The following EP400 variants were observed in gnomAD, a reference collection of about 807,000 sequenced individuals.
The protein encoded by EP400 is E1A-binding protein p400.
EP400 carries 105 observed loss-of-function variants against 354.1 expected under a neutral mutation model. The observed-to-expected ratio is 0.30, with a 90% CI of 0.25 to 0.35. The LOEUF (loss-of-function observed/expected upper bound fraction) is 0.35, where lower values mean the gene tolerates loss of function less well. Among genes scored for constraint, EP400 ranks in the 10% least tolerant of loss-of-function variants. The pLI, the probability that EP400 is intolerant of heterozygous loss-of-function variation, is 1.00. For missense variants in EP400, 3,280 were observed against 4,121.0 expected (o/e 0.80, Z 5.59); for synonymous variants, 1,646 against 1,716.9 (o/e 0.96, Z 1.02).
At position 132,005,084 on chromosome 12, in the gene EP400, G is replaced by A. The variant is rs764024339; in HGVS notation, c.2835G>A (p.Leu945=). The A allele has an allele frequency of 1.3e-6, 2 of 1,581,010 alleles. No homozygotes were observed. The highest frequency in any genetic ancestry group is 1.7e-6 in the Non-Finnish European group (2 of 1,163,328). Residue 945 remains leucine, a synonymous_variant, in exon 13 of 53, where the codon CTG becomes CTA. Transcript: ENST00000389561. ...GCCCGCAACCCTCTGCAGCTGAGCT[G>A]CCCCTCCTGGACCTGATGAAGCTGT... ...ELSNLAKEAE[L]PLLDLMKLYE... is the part of the protein sequence containing the mutation.
At chr12:131,964,682 A>G (rs1892014212) in intron 2 of EP400, among the ~76,000 whole-genome samples, 1 of 152,192 alleles carries the variant, frequency 6.6e-6, no homozygotes, top group South Asian at 2.1e-4. Flanking sequence ...TTTTTGCCCC[A>G]TTTGCATTAT....
Position 132,013,447 on chromosome 12 carries a change from C to T in EP400, c.3612-43C>T, listed in dbSNP as rs765380337. 37 of 1,519,206 alleles carry T rather than the reference C, an allele frequency of 2.4e-5. No individual in the cohort carries two copies. The South Asian group carries it at 3.9e-4, about 16-fold the overall frequency. 94.1% of individuals were successfully genotyped at this position (1,519,206 alleles called of 1,614,324 possible). On this transcript the variant is annotated intron_variant, in intron 17 of 52. Transcript: ENST00000389561. The surrounding 1 kb of genome is among the most constrained non-coding windows in gnomAD (Gnocchi z 4.5). ...GAGAAGATGCTGCTGCAGCCAGCCCCGTGGCTGTAGAACTCCAGTGTTGTC... is the reference window on the plus strand; with the variant it reads ...GAGAAGATGCTGCTGCAGCCAGCCCTGTGGCTGTAGAACTCCAGTGTTGTC...
Position 132,017,494 on chromosome 12 carries a change from C to T in EP400, c.3924-41C>T, listed in dbSNP as rs1270903233. ...TGAGGGTGGGACTATGTCCATGTGCCGTTTGGATTGAATGCTTCGTGTTTC... is the reference window on the plus strand; with the variant it reads ...TGAGGGTGGGACTATGTCCATGTGCTGTTTGGATTGAATGCTTCGTGTTTC... On this transcript the variant is annotated intron_variant, in intron 19 of 52. Coordinates refer to ENST00000389561, the MANE Select transcript of EP400 (RefSeq NM_015409.5). This position sits in a 1 kb window ranked among gnomAD's most constrained non-coding sequence, Gnocchi z 5.0. 7.5e-6 allele frequency: 12 copies of T among 1,603,510 alleles called. No individual in the cohort carries two copies. Among genetic ancestry groups the T allele is most frequent in the East Asian group, 6.7e-5 (3 of 44,768 alleles).
At chr12:132,065,515 T>G (rs1225736381) in intron 48 of EP400, 1 of 153,376 alleles carries the variant, frequency 6.5e-6, no homozygotes, top group African/African-American at 2.4e-5. Flanking sequence ...CCTGGCCCAG[T>G]GCTCATGGAC....
rs1232975499 is a variant in EP400 at position 132,076,589 on chromosome 12, A to G, written c.9095A>G (p.Gln3032Arg). The G allele has an allele frequency of 3.7e-6, 6 of 1,611,822 alleles. No homozygotes were observed. The highest frequency in any genetic ancestry group is 4.2e-6 in the Non-Finnish European group (5 of 1,178,294). Residue 3032 changes from glutamine (Q) to arginine (R), a missense_variant, in exon 52 of 53, where the codon CAG becomes CGG. This residue lies in a region of EP400 where 279 missense variants were observed against 386.7 expected (regional missense o/e 0.72). Coordinates refer to ENST00000389561, the MANE Select transcript of EP400 (RefSeq NM_015409.5). ...ATCCAGCAAGTTGCCTCTGCTTCCCAGCAGGTAGGACGCATAGACAAAGTG... is the reference window on the plus strand; with the variant it reads ...ATCCAGCAAGTTGCCTCTGCTTCCCGGCAGGTAGGACGCATAGACAAAGTG... ...ASIQQVASASQQASPQTVALT... is the reference protein window; with the variant it reads ...ASIQQVASASRQASPQTVALT...
intron 32 of EP400, among the ~76,000 whole-genome samples, chr12:132,041,327 T>C (rs1894898429): frequency 6.6e-6 from 1 of 152,104 alleles, no homozygotes; most frequent in African/African-American, 2.4e-5. Context: ...GCTGGAGAAA[T>C]GTTCAGTCAG....
chr12:132,002,025 A>G (rs1245330187), intron 12 of EP400, among the ~76,000 whole-genome samples: 2 of 152,144 alleles, frequency 1.3e-5, no homozygotes, highest in Non-Finnish European at 2.9e-5. Context: ...CCGCCCACAT[A>G]TTGGAACTTC....
intron 30 of EP400, among the ~76,000 whole-genome samples, chr12:132,032,409 C>T (rs1179556887): frequency 6.6e-6 from 1 of 152,226 alleles, no homozygotes; most frequent in Non-Finnish European, 1.5e-5. Flanking sequence ...TTATACTCAA[C>T]ATTTGCTTGA....
At chr12:132,058,154 C>T (rs1338814386) in intron 45 of EP400, among the ~76,000 whole-genome samples, 2 of 151,942 alleles carry the variant, frequency 1.3e-5, no homozygotes, top group African/African-American at 2.4e-5. Flanking sequence ...GTCTTGTGAG[C>T]GGAGGGTCTG....
chr12:131,990,467 A>T lies in EP400; in HGVS notation c.2551-169A>T, dbSNP rs1200733122. On this transcript the variant is annotated intron_variant, in intron 8 of 52. Coordinates refer to ENST00000389561, the MANE Select transcript of EP400 (RefSeq NM_015409.5). This position sits in a 1 kb window ranked among gnomAD's most constrained non-coding sequence, Gnocchi z 4.2. ...TAATTCTTACCTCACCACCTAATAG[A>T]ACCTGGGCAGGATGTAGTTAGTATG... Among the ~76,000 whole-genome samples, 1 of 152,168 alleles carries T rather than the reference A, an allele frequency of 6.6e-6. No individual in the cohort carries two copies. The highest frequency in any genetic ancestry group is 6.5e-5 in the Admixed American group (1 of 15,274).
chr12:132,027,996 T>C lies in EP400; in HGVS notation c.5110-21T>C, dbSNP rs1368757244. On this transcript the variant is annotated intron_variant, in intron 26 of 52. Coordinates refer to ENST00000389561, the MANE Select transcript of EP400 (RefSeq NM_015409.5). This position sits in a 1 kb window ranked among gnomAD's most constrained non-coding sequence, Gnocchi z 4.9. ...TCATTCTGTTTCTCAAGTAACTGTT[T>C]TTCATCACTTTTTGATAAAGGAGGA... 2 of 1,604,844 alleles carry C rather than the reference T, an allele frequency of 1.2e-6. No individual in the cohort carries two copies. The highest frequency in any genetic ancestry group is 1.7e-6 in the Non-Finnish European group (2 of 1,172,810).
In EP400 at chr12:131,979,690, C is replaced by G. The variant is rs936734256; in HGVS notation, c.1336-4C>G. On this transcript the variant is annotated splice_region_variant and splice_polypyrimidine_tract_variant and intron_variant, in intron 2 of 52. Coordinates refer to ENST00000389561, the MANE Select transcript of EP400 (RefSeq NM_015409.5). Reference sequence around the variant, plus strand: ...AAATCTCATTTTTTCATCTTTTTTCCCAGCAGCAAGCCCTCGCAGGGAGCC... The same window carrying G: ...AAATCTCATTTTTTCATCTTTTTTCGCAGCAGCAAGCCCTCGCAGGGAGCC... The G allele has an allele frequency of 2.5e-6, 4 of 1,597,952 alleles. No homozygotes were observed. The highest frequency in any genetic ancestry group is 1.7e-6 in the Non-Finnish European group (2 of 1,173,930).
intron 45 of EP400, among the ~76,000 whole-genome samples, chr12:132,055,429 GTA>G (rs917194551): frequency 6.8e-5 from 10 of 146,774 alleles, no homozygotes; most frequent in African/African-American, 1.6e-4. Flanking sequence ...ATGAGGTGGG[GTA>G]TGTGTGTGTG....
rs777836719 is a variant in EP400 at position 132,044,906 on chromosome 12, C to T, written c.6737C>T (p.Pro2246Leu). The part of the protein sequence containing the change: ...ATPIPEAKLP[P>L]VYVRKERKRH... ...CCCATCCCAGAGGCTAAGCTGCCCC[C>T]TGTGTACGTGAGGAAGGAGCGGAAG... is the stretch of plus-strand genomic sequence containing the variant. The change falls in exon 37 of 53, where the codon CCT (proline) becomes CTT (leucine). Residue 2246 changes from proline to leucine, a missense_variant. This residue lies in a region of EP400 where 231 missense variants were observed against 257.9 expected (regional missense o/e 0.90). Coordinates refer to ENST00000389561, the MANE Select transcript of EP400 (RefSeq NM_015409.5). 28 of 1,614,090 alleles carry T rather than the reference C, an allele frequency of 1.7e-5. No homozygotes were observed. The highest frequency in any genetic ancestry group is 2.2e-5 in the Non-Finnish European group (26 of 1,180,046).
At position 132,062,292 on chromosome 12, in the gene EP400, G is replaced by C. The variant is rs200529645; in HGVS notation, c.8067G>C (p.Pro2689=). The change falls in exon 46 of 53, where the codon CCG becomes CCC. Residue 2689 remains proline, a synonymous_variant. Coordinates refer to ENST00000389561, the MANE Select transcript of EP400 (RefSeq NM_015409.5). ...VTTNLTPVQT[P]ARSLVPQVSQ... ...CCAACCTGACCCCAGTGCAGACCCC[G>C]GCACGGTCTTTGGTGCCCCAAGTGT... 96 of 1,614,180 alleles carry C rather than the reference G, an allele frequency of 5.9e-5. No homozygotes were observed. Among genetic ancestry groups the C allele is most frequent in the Admixed American group, 2.3e-4 (14 of 60,022 alleles).
intron 12 of EP400, among the ~76,000 whole-genome samples, chr12:131,996,544 G>A (rs1893223888): frequency 1.3e-5 from 2 of 152,234 alleles, no homozygotes; most frequent in African/African-American, 2.4e-5. Context: ...ACCCGCCTCA[G>A]CCTCCCGAAG....
Position 132,045,350 on chromosome 12 carries a change from G to A in EP400, c.6816G>A (p.Gly2272=), listed in dbSNP as rs972630144. 6.2e-7 allele frequency: 1 copy of A among 1,614,234 alleles called. No individual in the cohort carries two copies. Among genetic ancestry groups the A allele is most frequent in the Non-Finnish European group, 8.5e-7 (1 of 1,180,046 alleles). The change falls in exon 38 of 53, where the codon GGG becomes GGA. Residue 2272 remains glycine (G), a synonymous_variant. Coordinates refer to ENST00000389561, the MANE Select transcript of EP400 (RefSeq NM_015409.5). ...GCAGGAAGAAGAAGCAGCGTCACGG[G>A]GAGGCGGTCGTCCCTCCTCGGTCCC... ...AAGRKKKQRH[G]EAVVPPRSLF... is the part of the protein sequence containing the mutation.
rs1892900115 is a variant in EP400, at chr12:131,987,737, G to A, written c.2256G>A (p.Leu752=). Residue 752 remains leucine (L), a synonymous_variant, in exon 7 of 53, where the codon CTG becomes CTA. Transcript: ENST00000389561. The stretch of plus-strand genomic sequence containing the variant: ...AGGTGCATCAGCGCATTGCGGAGCT[G>A]AGGAAAGCAGGTCTGTGGTCCCAGA... ...ENQVHQRIAE[L]RKAGLWSQRR... The A allele has an allele frequency of 6.2e-7, 1 of 1,610,826 alleles. No homozygotes were observed. The highest frequency in any genetic ancestry group is 8.5e-7 in the Non-Finnish European group (1 of 1,179,318).
At chr12:131,971,164 A>G (rs1482638767) in intron 2 of EP400, among the ~76,000 whole-genome samples, 1 of 152,126 alleles carries the variant, frequency 6.6e-6, no homozygotes, top group Non-Finnish European at 1.5e-5. Flanking sequence ...TGATTGTGCC[A>G]CTACACTCCA....
Sources: allele counts gnomAD v4.1 joint callset (sites outside exome capture counted in the v4.1 genomes callset), GRCh38; gene constraint gnomAD v4.1.1; regional missense constraint gnomAD v4.1.1; non-coding constraint Gnocchi (gnomAD v3.1); transcripts MANE v1.5; gene names NCBI Gene and HGNC (gene_info 2026-07-23, HGNC 2026-07-21).